The following GTF2B variants were observed in gnomAD, a reference collection of about 807,000 sequenced individuals.
The protein encoded by GTF2B is general transcription factor IIB.
Under a neutral mutation model 34.6 loss-of-function variants are expected in GTF2B, and 20 were observed. The ratio of observed to expected loss-of-function variants is 0.58; its 90% CI spans 0.41 to 0.84. GTF2B has a LOEUF of 0.84. GTF2B is among the 40% of genes least tolerant of loss of function. The pLI is 0.00. For missense variants in GTF2B, 237 were observed against 393.3 expected (o/e 0.60, Z 3.36); for synonymous variants, 142 against 132.4 (o/e 1.07, Z -0.50).
chr1:88,887,275 C>T lies in GTF2B; in HGVS notation c.110G>A (p.Cys37Tyr), dbSNP rs1439109360. The change falls in exon 2 of 7, where the codon TGT becomes TAT. Residue 37 changes from cysteine to tyrosine, a missense_variant. Around this residue, in one of 3 missense-constraint regions of GTF2B, gnomAD observed 130 missense variants for 170.9 expected, o/e 0.76. Coordinates refer to ENST00000370500, the MANE Select transcript of GTF2B (RefSeq NM_001514.6). ...YRAGDMICPE[C>Y]GLVVGDRVID... ...TAACAACTCACCTACAACCAAGCCA[C>T]ATTCAGGACAGATCATATCACCGGC... 9 of 1,603,922 alleles carry T rather than the reference C, an allele frequency of 5.6e-6. No homozygotes were observed. Among genetic ancestry groups the T allele is most frequent in the Non-Finnish European group, 7.7e-6 (9 of 1,171,090 alleles).
At chr1:88,856,291 C>CAAAAAAAAA (rs1162915523) in intron 6 of GTF2B, among the ~76,000 whole-genome samples, 4 of 86,146 alleles carry the variant, frequency 4.6e-5, no homozygotes, top group Non-Finnish European at 4.3e-5. Flanking sequence ...AAAAAAAAAA[C>CAAAAAAAAA]AAAAAAAAAA....
At chr1:88,855,088 T>C (rs1349977236) in intron 6 of GTF2B, among the ~76,000 whole-genome samples, 2 of 152,212 alleles carry the variant, frequency 1.3e-5, no homozygotes, top group East Asian at 1.9e-4. Flanking sequence ...ATGTTGTTCA[T>C]TAGAATAAAC....
chr1:88,867,925 G>T (rs923383779), intron 2 of GTF2B, among the ~76,000 whole-genome samples: 1 of 152,164 alleles, frequency 6.6e-6, no homozygotes, highest in Admixed American at 6.5e-5. Flanking sequence ...TGTGGTTTGT[G>T]CTAAGAACCA....
chr1:88,879,927 A>C (rs1323979997), intron 2 of GTF2B, among the ~76,000 whole-genome samples: 1 of 151,852 alleles, frequency 6.6e-6, no homozygotes, highest in Non-Finnish European at 1.5e-5. Flanking sequence ...GCGGGGTGGC[A>C]TGTGCCTGTA....
At chr1:88,865,766 G>C (rs1265626574) in intron 2 of GTF2B, among the ~76,000 whole-genome samples, 2 of 151,848 alleles carry the variant, frequency 1.3e-5, no homozygotes, top group African/African-American at 4.8e-5. Context: ...CAGGAGAACT[G>C]CTTGAACCTG....
chr1:88,866,653 T>G (rs1673566474), intron 2 of GTF2B, among the ~76,000 whole-genome samples: 1 of 152,136 alleles, frequency 6.6e-6, no homozygotes, highest in Non-Finnish European at 1.5e-5. Flanking sequence ...AGTGATCCAC[T>G]CACCTCGGCC....
intron 2 of GTF2B, among the ~76,000 whole-genome samples, chr1:88,868,775 G>A (rs1673617048): frequency 6.6e-6 from 1 of 150,684 alleles, no homozygotes. Context: ...TCGCTCTGTC[G>A]CCCAGGCTAG....
At chr1:88,887,472 T>C (rs563568444) in intron 1 of GTF2B, 105 bp from the exon 2 acceptor site, 5 of 738,474 alleles carry the variant, frequency 6.8e-6, no homozygotes, top group South Asian at 1.4e-5. Flanking sequence ...CGTTTTTTCA[T>C]ACATACAACT....
At chr1:88,861,595 C>T (rs749276511) in intron 3 of GTF2B, among the ~76,000 whole-genome samples, 53 of 152,156 alleles carry the variant, frequency 3.5e-4, no homozygotes, top group Middle Eastern at 3.2e-3. Flanking sequence ...ACCTGGGAGG[C>T]GGAGGTTGCA....
chr1:88,860,529 G>GA (rs1453818028), intron 3 of GTF2B, among the ~76,000 whole-genome samples: 13 of 151,928 alleles, frequency 8.6e-5, no homozygotes, highest in Non-Finnish European at 1.8e-4. Context: ...AATGGAAAAA[G>GA]AAACAGTCTA....
At chr1:88,860,063 T>A (rs751356261) in intron 4 of GTF2B, 52 bp from the exon 5 acceptor site, 3 of 1,610,598 alleles carry the variant, frequency 1.9e-6, no homozygotes, top group Non-Finnish European at 2.5e-6. Context: ...TTAGCTGCAA[T>A]ATCAAAATTT....
chr1:88,884,189 G>A (rs1393321392), intron 2 of GTF2B, among the ~76,000 whole-genome samples: 6 of 151,890 alleles, frequency 4.0e-5, no homozygotes, highest in Non-Finnish European at 5.9e-5. Flanking sequence ...CACCACGCCC[G>A]GCTAATTTTT....
intron 2 of GTF2B, among the ~76,000 whole-genome samples, chr1:88,872,012 C>A (rs12045944): frequency 0.48 from 73,016 of 151,904 alleles, 19,029 homozygotes; most frequent in South Asian, 0.69. Context: ...GGAATACAGG[C>A]ATGAGCAATT....
chr1:88,870,686 CT>C (rs1231995779), intron 2 of GTF2B, among the ~76,000 whole-genome samples: 1 of 152,126 alleles, frequency 6.6e-6, no homozygotes, highest in African/African-American at 2.4e-5. Context: ...ATTTCCAATG[CT>C]TAACTTTCAT....
chr1:88,863,576 C>T lies in GTF2B; in HGVS notation c.258+405G>A, dbSNP rs183250008. On this transcript the variant is annotated intron_variant, in intron 3 of 6. Coordinates refer to ENST00000370500, the MANE Select transcript of GTF2B (RefSeq NM_001514.6). Reference sequence around the variant, plus strand: ...TTCACCATATTTGCCAGGCTGGTCCCGAACTCCTGACCTTGTGATCCGCCT... The same window carrying T: ...TTCACCATATTTGCCAGGCTGGTCCTGAACTCCTGACCTTGTGATCCGCCT... Among the ~76,000 whole-genome samples the T allele has an allele frequency of 2.6e-3, 389 of 152,070 alleles. 2 individuals carry two copies. The highest frequency in any genetic ancestry group is 8.9e-3 in the African/African-American group (371 of 41,468).
intron 2 of GTF2B, among the ~76,000 whole-genome samples, chr1:88,876,517 A>T (rs546804753): frequency 1.3e-5 from 2 of 152,046 alleles, no homozygotes; most frequent in Admixed American, 1.3e-4. Context: ...ACAAATATTA[A>T]TAATTTTTTA....
At chr1:88,876,551 T>A (rs7514458) in intron 2 of GTF2B, among the ~76,000 whole-genome samples, 21,626 of 151,946 alleles carry the variant, frequency 0.14, 3,932 homozygotes, top group African/African-American at 0.43. Context: ...GGGTGGTGGT[T>A]TGAGCCCGTG....
intron 2 of GTF2B, among the ~76,000 whole-genome samples, chr1:88,882,860 G>A (rs905385319): frequency 2.0e-5 from 3 of 152,284 alleles, no homozygotes; most frequent in Middle Eastern, 3.4e-3. Context: ...TTACACTGCA[G>A]ATTAGTCACT....
At chr1:88,875,152 T>C (rs1673791406) in intron 2 of GTF2B, among the ~76,000 whole-genome samples, 2 of 152,230 alleles carry the variant, frequency 1.3e-5, no homozygotes, top group Non-Finnish European at 1.5e-5. Flanking sequence ...TTGAAGAGAA[T>C]GCTGACCAAG....
Sources: gnomAD v4.1 joint callset for allele counts (sites outside exome capture counted in the v4.1 genomes callset) on GRCh38, gnomAD v4.1.1 for gene constraint, gnomAD v4.1.1 regional missense constraint, MANE v1.5 for transcripts, NCBI Gene and HGNC (gene_info 2026-07-23, HGNC 2026-07-21) for gene names.